The following UNC5C variants were observed in gnomAD, a reference collection of about 807,000 sequenced individuals.
UNC5C encodes unc-5 netrin receptor C, also known as netrin receptor UNC5C.
In UNC5C, 47 loss-of-function variants were observed where a neutral mutation model predicts 99.8. That is an observed-to-expected ratio of 0.47 (90% CI 0.37 to 0.60). The LOEUF (loss-of-function observed/expected upper bound fraction) is 0.60, where lower values mean the gene tolerates loss of function less well. Ranked by LOEUF, UNC5C falls within the 20% of genes least tolerant of loss-of-function variation. UNC5C has a pLI of 0.00. For missense variants in UNC5C, 1,062 were observed against 1,165.9 expected, an observed-to-expected ratio of 0.91 and a Z score of 1.30; for synonymous variants, 487 against 452.2, an observed-to-expected ratio of 1.08 and a Z score of -0.98.
chr4:95,511,854 A>C (rs192632604), intron 1 of UNC5C, among the ~76,000 whole-genome samples: 1 of 152,292 alleles, frequency 6.6e-6, no homozygotes, highest in Admixed American at 6.5e-5. Context: ...AAGAGGTGGA[A>C]GTTTTCTTCT....
chr4:95,328,040 C>CTTTTTTTTTTTTTTTTTTTTTTTATTTTT (rs34794058), intron 2 of UNC5C, among the ~76,000 whole-genome samples: 5 of 87,098 alleles, frequency 5.7e-5, no homozygotes, highest in East Asian at 4.7e-4. Flanking sequence ...CAGGCAACTT[C>CTTTTTTTTTTTTTTTTTTTTTTTATTTTT]TTTTTTTTTT....
intron 1 of UNC5C, among the ~76,000 whole-genome samples, chr4:95,476,651 A>G (rs1320682628): frequency 6.6e-6 from 1 of 152,144 alleles, no homozygotes; most frequent in Admixed American, 6.6e-5. Flanking sequence ...ATATTTCTGA[A>G]AAAACAATGC....
intron 1 of UNC5C, among the ~76,000 whole-genome samples, chr4:95,500,297 T>A (rs1040796658): frequency 1.3e-5 from 2 of 152,056 alleles, no homozygotes; most frequent in Admixed American, 1.3e-4. Flanking sequence ...CAAACCTTAT[T>A]CTACCCATTT....
At chr4:95,284,390 A>G (rs182921839) in intron 3 of UNC5C, among the ~76,000 whole-genome samples, 32 of 152,248 alleles carry the variant, frequency 2.1e-4, no homozygotes, top group African/African-American at 7.0e-4. Context: ...TTTAGGGGGG[A>G]AAAGCTTATC....
chr4:95,291,350 A>T (rs1741437600), intron 3 of UNC5C, among the ~76,000 whole-genome samples: 1 of 152,228 alleles, frequency 6.6e-6, no homozygotes, highest in Non-Finnish European at 1.5e-5. Context: ...CAGAGTACAA[A>T]AAAAAGAATG....
intron 1 of UNC5C, among the ~76,000 whole-genome samples, chr4:95,400,414 G>A (rs1483740218): frequency 3.2e-5 from 2 of 63,442 alleles, no homozygotes; most frequent in South Asian, 5.5e-4. Flanking sequence ...TTTTTTTTGA[G>A]ACGGAGTCTC....
chr4:95,264,790 G>A (rs1047803143), intron 4 of UNC5C, among the ~76,000 whole-genome samples: 8 of 152,110 alleles, frequency 5.3e-5, no homozygotes, highest in African/African-American at 1.9e-4. Context: ...AAATCCAAAG[G>A]CATCTTCTCT....
chr4:95,442,898 A>G lies in UNC5C; in HGVS notation c.124+105836T>C, dbSNP rs114775970. On this transcript the variant is annotated intron_variant, in intron 1 of 15. Transcript: ENST00000453304. The stretch of plus-strand genomic sequence containing the variant: ...GTATGTATGTATAGCTTCTTCTTGT[A>G]TTATTTATCATAATGGTAACGCTGG... 4.8e-3 allele frequency among the ~76,000 whole-genome samples: 730 copies of G among 152,208 alleles called. 5 individuals carry two copies. The highest frequency in any genetic ancestry group is 0.017 in the African/African-American group (706 of 41,524).
chr4:95,545,033 C>T (rs183029358), intron 1 of UNC5C, among the ~76,000 whole-genome samples: 9 of 152,296 alleles, frequency 5.9e-5, no homozygotes, highest in Admixed American at 5.9e-4. Flanking sequence ...TAAGTCTCAA[C>T]AATAATTCTA....
At chr4:95,352,929 C>G (rs1744040890) in intron 1 of UNC5C, among the ~76,000 whole-genome samples, 1 of 152,126 alleles carries the variant, frequency 6.6e-6, no homozygotes, top group Admixed American at 6.6e-5. Flanking sequence ...GGAATTATAA[C>G]AGCTTCTGCT....
intron 1 of UNC5C, among the ~76,000 whole-genome samples, chr4:95,382,475 A>G (rs1180733101): frequency 6.7e-6 from 1 of 150,150 alleles, no homozygotes; most frequent in Non-Finnish European, 1.5e-5. Context: ...AAAAAAAAAG[A>G]GTGTTTTCAT....
At chr4:95,247,626 C>T (rs1739550409) in intron 5 of UNC5C, among the ~76,000 whole-genome samples, 1 of 152,176 alleles carries the variant, frequency 6.6e-6, no homozygotes, top group Non-Finnish European at 1.5e-5. Flanking sequence ...AAAAGACCCT[C>T]TGAAGATCAG....
intron 1 of UNC5C, among the ~76,000 whole-genome samples, chr4:95,417,758 C>T (rs548041821): frequency 8.3e-4 from 127 of 152,294 alleles, no homozygotes; most frequent in African/African-American, 3.0e-3. Flanking sequence ...CTTCTGACAT[C>T]GTGCCAAGTC....
intron 1 of UNC5C, among the ~76,000 whole-genome samples, chr4:95,422,331 C>T (rs1560826942): frequency 1.3e-5 from 2 of 152,166 alleles, no homozygotes; most frequent in Non-Finnish European, 2.9e-5. Context: ...CCTCTGGAAA[C>T]AGCAACACTA....
intron 12 of UNC5C, among the ~76,000 whole-genome samples, chr4:95,194,808 G>A (rs927135301): frequency 2.0e-5 from 3 of 152,076 alleles, no homozygotes; most frequent in Non-Finnish European, 4.4e-5. Context: ...AAACATCCTT[G>A]GGTGGGGGCA....
chr4:95,423,146 G>A (rs1746367903), intron 1 of UNC5C, among the ~76,000 whole-genome samples: 1 of 152,154 alleles, frequency 6.6e-6, no homozygotes, highest in Non-Finnish European at 1.5e-5. Context: ...CTTACTATAT[G>A]AGAGGATTGT....
intron 6 of UNC5C, among the ~76,000 whole-genome samples, chr4:95,243,382 C>T (rs1200001601): frequency 6.6e-6 from 1 of 152,116 alleles, no homozygotes; most frequent in Non-Finnish European, 1.5e-5. Context: ...AAGCACACAA[C>T]TTAAGTCTCA....
chr4:95,380,251 G>T (rs1745031218), intron 1 of UNC5C, among the ~76,000 whole-genome samples: 1 of 151,730 alleles, frequency 6.6e-6, no homozygotes, highest in Non-Finnish European at 1.5e-5. Context: ...AAATATTTTG[G>T]ATTTAATGTT....
rs1160839442 is a variant in UNC5C, at chr4:95,219,307, A to C, written c.1307T>G (p.Leu436Arg). 1.2e-6 allele frequency: 2 copies of C among 1,612,610 alleles called. No homozygotes were observed. The highest frequency in any genetic ancestry group is 8.5e-7 in the Non-Finnish European group (1 of 1,179,010). Residue 436 changes from leucine (L) to arginine (R), a missense_variant, in exon 9 of 16, where the codon CTG (leucine) becomes CGG (arginine). Around this residue, in one of 3 missense-constraint regions of UNC5C, gnomAD observed 810 missense variants for 854.5 expected, o/e 0.95. Coordinates refer to ENST00000453304, the MANE Select transcript of UNC5C (RefSeq NM_003728.4). ...TGACGTGAGGTCTGGGGGTACAGCC[A>C]GCAGATCTGAGTCAGAAAGAGAAAA... ...VNIKAARQDL[L>R]AVPPDLTSAA...
Sources: allele counts gnomAD v4.1 joint callset (sites outside exome capture counted in the v4.1 genomes callset), GRCh38; gene constraint gnomAD v4.1.1; regional missense constraint gnomAD v4.1.1; transcripts MANE v1.5; gene names NCBI Gene and HGNC (gene_info 2026-07-23, HGNC 2026-07-21).